The following BRCA1 variants were observed in gnomAD, a reference collection of about 807,000 sequenced individuals.
BRCA1 encodes BRCA1 DNA repair associated.
Under a neutral mutation model 173.7 loss-of-function variants are expected in BRCA1, and 140 were observed. The ratio of observed to expected loss-of-function variants is 0.81; its 90% CI spans 0.70 to 0.93. The LOEUF (loss-of-function observed/expected upper bound fraction) is 0.93. Among genes scored for constraint, BRCA1 ranks in the 40% least tolerant of loss-of-function variants. BRCA1 has a pLI of 0.00. For synonymous variants in BRCA1, 662 were observed against 756.0 expected (o/e 0.88, Z 2.04); for missense variants, 1,983 against 2,172.5 (o/e 0.91, Z 1.73).
chr17:43,074,617 T>C lies in BRCA1; in HGVS notation c.4485-96A>G, dbSNP rs778933487. 62 of 1,139,194 alleles carry C rather than the reference T, an allele frequency of 5.4e-5. No individual in the cohort carries two copies. In the Admixed American group the frequency reaches 6.1e-4, roughly 11 times the overall value. The allele number at this position is 1,139,194 out of a possible 1,614,324, so 70.6% of individuals were successfully genotyped here. ...GCCAAAGCATAAATGAAACAGCTCA[T>C]GTCAGAGAGATCAGAAATGACTGGC... On this transcript the variant is annotated intron_variant, in intron 13 of 22. Coordinates refer to ENST00000357654, the MANE Select transcript of BRCA1 (RefSeq NM_007294.4).
chr17:43,096,170 A>T (rs950745517), intron 8 of BRCA1, among the ~76,000 whole-genome samples: 1 of 151,992 alleles, frequency 6.6e-6, no homozygotes, highest in Non-Finnish European at 1.5e-5. Flanking sequence ...TGAGGTCATG[A>T]GTTCAAGACC....
chr17:43,105,566 C>T (rs1170092741), intron 4 of BRCA1, among the ~76,000 whole-genome samples: 1 of 152,130 alleles, frequency 6.6e-6, no homozygotes, highest in Non-Finnish European at 1.5e-5. Flanking sequence ...AACATCTGAA[C>T]CCTGCCCAAT....
chr17:43,164,055 A>C (rs1398937753), intron 1 of BRCA1: 1 of 152,264 alleles, frequency 6.6e-6, no homozygotes, highest in Non-Finnish European at 1.5e-5. Context: ...CCATGTGCAC[A>C]AGCATAACAA....
chr17:43,063,094 T>C (rs2051837067), intron 18 of BRCA1, among the ~76,000 whole-genome samples: 1 of 152,036 alleles, frequency 6.6e-6, no homozygotes, highest in Non-Finnish European at 1.5e-5. Context: ...TTCTCCATGT[T>C]GGTCAGGCTG....
chr17:43,084,197 A>AT (rs906606112), intron 11 of BRCA1, among the ~76,000 whole-genome samples: 1 of 151,986 alleles, frequency 6.6e-6, no homozygotes, highest in African/African-American at 2.4e-5. Flanking sequence ...TGCCCAGCTA[A>AT]TTTTTTGTAT....
In BRCA1 at chr17:43,051,003, T is replaced by TA. The variant is rs2051188708; in HGVS notation, c.5332+59dup. ...CCCCATCGTGGGATCTTGCTTATAA[T>TA]ACTCCACTATGTAAGACAAAGGCTG... On this transcript the variant is annotated intron_variant, in intron 20 of 22. Coordinates refer to ENST00000357654, the MANE Select transcript of BRCA1 (RefSeq NM_007294.4). 7 of 1,518,754 alleles carry TA rather than the reference T, an allele frequency of 4.6e-6. No homozygotes were observed. The Admixed American group carries it at 1.2e-4, about 25-fold the overall frequency. 94.1% of individuals were successfully genotyped at this position (1,518,754 alleles called of 1,614,324 possible).
chr17:43,168,271 T>A, intron 1 of BRCA1: 1 of 395,548 alleles, frequency 2.5e-6, no homozygotes, highest in Non-Finnish European at 5.1e-6. Flanking sequence ...CCAATGAACT[T>A]TAACACATTA....
At chr17:43,076,374 T>C (rs1176130810) in intron 13 of BRCA1, 114 bp downstream of exon 13, 3 of 1,302,402 alleles carry the variant, frequency 2.3e-6, no homozygotes, top group East Asian at 2.3e-5. Context: ...TAAAAGTGTA[T>C]AAATGCCTGT....
chr17:43,078,968 G>A (rs2052868421), intron 12 of BRCA1, among the ~76,000 whole-genome samples: 2 of 152,188 alleles, frequency 1.3e-5, no homozygotes, highest in Non-Finnish European at 2.9e-5. Flanking sequence ...GAGAGGCCGA[G>A]GTGGACAGAT....
upstream of BRCA1, chr17:43,125,701 G>A (rs2055851012): frequency 5.6e-6 from 1 of 179,696 alleles, no homozygotes; most frequent in Non-Finnish European, 1.2e-5. Flanking sequence ...GCTACCTATT[G>A]TCCAAAGCAG....
At chr17:43,126,932 C>A (rs545472402), upstream of BRCA1, among the ~76,000 whole-genome samples, 125 of 152,246 alleles carry the variant, frequency 8.2e-4, no homozygotes, top group Middle Eastern at 6.8e-3. Context: ...CCCGCACCCC[C>A]GGCCCCGGGC....
At chr17:43,166,332 G>C (rs983433895) in intron 1 of BRCA1, 1 of 152,362 alleles carries the variant, frequency 6.6e-6, no homozygotes, top group Non-Finnish European at 1.5e-5. Context: ...TGTTGGGGGT[G>C]GGGGGTCTAA....
At chr17:43,149,910 A>G (rs1016648197) in intron 1 of BRCA1, among the ~76,000 whole-genome samples, 1 of 151,444 alleles carries the variant, frequency 6.6e-6, no homozygotes, top group African/African-American at 2.4e-5. Flanking sequence ...TGCCTCAACC[A>G]CCCGAGTAGC....
chr17:43,161,697 A>G (rs539027574), intron 1 of BRCA1: 3 of 152,170 alleles, frequency 2.0e-5, no homozygotes, highest in Non-Finnish European at 4.4e-5. Flanking sequence ...CTTGCTATAT[A>G]GTATTGTCTA....
chr17:43,107,707 TAACA>T (rs1012284874), intron 3 of BRCA1, among the ~76,000 whole-genome samples: 3 of 152,140 alleles, frequency 2.0e-5, no homozygotes, highest in Admixed American at 6.6e-5. Flanking sequence ...TTTGTGTTTT[TAACA>T]AACAGTGTTG....
At position 43,091,034 on chromosome 17, in the gene BRCA1, T is replaced by C. The variant is rs80358019; in HGVS notation, c.4097-2A>G. ...TCTCACACCCAGATGCTGCTTCACC[T>C]TAAATAACAAAAACAGAGGTTCAGA... On this transcript the variant is annotated splice_acceptor_variant, in intron 10 of 22. Transcript: ENST00000357654. LOFTEE classifies it high-confidence loss of function. 1.2e-6 allele frequency: 2 copies of C among 1,610,714 alleles called. No homozygotes were observed.
intron 6 of BRCA1, among the ~76,000 whole-genome samples, chr17:43,102,272 C>T (rs1376546815): frequency 1.3e-5 from 2 of 151,654 alleles, no homozygotes; most frequent in Non-Finnish European, 2.9e-5. Context: ...GGGCTTTCAC[C>T]ATGTGAGCCA....
chr17:43,070,521 A>G (rs1409944302), intron 15 of BRCA1, among the ~76,000 whole-genome samples: 2 of 152,234 alleles, frequency 1.3e-5, no homozygotes, highest in Non-Finnish European at 2.9e-5. Flanking sequence ...ACTATCTGGC[A>G]GTACATTTGG....
chr17:43,169,203 G>A (rs1448980185), intron 1 of BRCA1, among the ~76,000 whole-genome samples: 3 of 152,122 alleles, frequency 2.0e-5, no homozygotes, highest in African/African-American at 7.2e-5. Flanking sequence ...TTTTGAGACG[G>A]AGTGTCGTTC....
Sources: gnomAD v4.1 joint callset for allele counts (sites outside exome capture counted in the v4.1 genomes callset) on GRCh38, gnomAD v4.1.1 for gene constraint, MANE v1.5 for transcripts, NCBI Gene and HGNC (gene_info 2026-07-23, HGNC 2026-07-21) for gene names.